RHBDL3: variants seen among roughly 807,000 people sequenced by gnomAD.
RHBDL3 encodes rhomboid-related protein 3.
RHBDL3 carries 28 observed loss-of-function variants against 48.2 expected under a neutral mutation model. The ratio of observed to expected loss-of-function variants is 0.58; its 90% CI spans 0.43 to 0.80. RHBDL3 has a LOEUF of 0.80. Among genes scored for constraint, RHBDL3 ranks in the 30% least tolerant of loss-of-function variants. The pLI is 0.00. For missense variants in RHBDL3, 464 were observed against 542.7 expected (o/e 0.85, Z 1.44); for synonymous variants, 208 against 232.3 (o/e 0.90, Z 0.95).
chr17:32,310,045 C>T (rs1376871808), intron 7 of RHBDL3, among the ~76,000 whole-genome samples: 3 of 151,912 alleles, frequency 2.0e-5, no homozygotes, highest in South Asian at 2.1e-4. Context: ...CACCATGCCC[C>T]GCCAAGACTT....
intron 2 of RHBDL3, among the ~76,000 whole-genome samples, chr17:32,277,459 C>T (rs71377424): frequency 0.046 from 7,072 of 152,294 alleles, 218 homozygotes; most frequent in African/African-American, 0.088. Context: ...GTGCTGCTGT[C>T]CTGGGTGCTG....
intron 7 of RHBDL3, among the ~76,000 whole-genome samples, chr17:32,315,698 A>G (rs1199771216): frequency 1.3e-5 from 2 of 151,602 alleles, no homozygotes; most frequent in Non-Finnish European, 2.9e-5. Context: ...GTTTTCATCC[A>G]TTGCATCTTC....
intron 7 of RHBDL3, among the ~76,000 whole-genome samples, chr17:32,311,371 CG>C (rs1201140288): frequency 6.6e-6 from 1 of 152,078 alleles, no homozygotes; most frequent in Admixed American, 6.5e-5. Flanking sequence ...TGGTTGGAAG[CG>C]GGGACTCTCT....
chr17:32,273,601 C>T (rs997032122), intron 2 of RHBDL3, among the ~76,000 whole-genome samples: 2 of 152,220 alleles, frequency 1.3e-5, no homozygotes, highest in East Asian at 1.9e-4. Context: ...TTCCCCCCTA[C>T]GTTGTTGTGA....
intron 7 of RHBDL3, among the ~76,000 whole-genome samples, chr17:32,308,410 C>T (rs62064225): frequency 0.53 from 80,542 of 151,794 alleles, 22,242 homozygotes; most frequent in Non-Finnish European, 0.6. Context: ...TCTCTACCCA[C>T]CTCTACCAAA....
rs1567794478 is a variant in RHBDL3, at chr17:32,321,127, G to T, written c.1113G>T (p.Trp371Cys). The change falls in exon 9 of 9, where the codon TGG becomes TGT. Residue 371 changes from tryptophan to cysteine, a missense_variant. Transcript: ENST00000269051. ...YEQRLQDQSL[W>C]WIFVAMYTVF... ...AGAGGCTCCAGGACCAGTCACTGTG[G>T]TGGATTTTTGTGGCCATGTACACCG... The T allele has an allele frequency of 6.2e-7, 1 of 1,614,266 alleles. No individual in the cohort carries two copies. Among genetic ancestry groups the T allele is most frequent in the Non-Finnish European group, 8.5e-7 (1 of 1,180,046 alleles).
At chr17:32,273,281 C>T (rs1317211229) in intron 2 of RHBDL3, among the ~76,000 whole-genome samples, 3 of 152,210 alleles carry the variant, frequency 2.0e-5, no homozygotes, top group Non-Finnish European at 2.9e-5. Context: ...GGATTACAGG[C>T]GCGAGCCACC....
intron 7 of RHBDL3, among the ~76,000 whole-genome samples, chr17:32,309,179 AGTGTGTGTGTGTGT>A (rs61558385): frequency 4.0e-5 from 6 of 149,710 alleles, no homozygotes; most frequent in African/African-American, 9.7e-5. Context: ...GAAGGTTTGG[AGTGTGTGTGTGTGT>A]GTGTGTGTGT....
intron 2 of RHBDL3, among the ~76,000 whole-genome samples, chr17:32,270,135 A>G (rs79531651): frequency 2.2e-4 from 31 of 142,800 alleles, no homozygotes; most frequent in Middle Eastern, 3.5e-3. Flanking sequence ...CCTTTCTCAA[A>G]AAAAAAAAAA....
At chr17:32,302,153 A>T (rs1337675597) in intron 6 of RHBDL3, among the ~76,000 whole-genome samples, 1 of 152,154 alleles carries the variant, frequency 6.6e-6, no homozygotes, top group East Asian at 1.9e-4. Context: ...ACCTCTGTGG[A>T]ATTCATACTG....
intron 7 of RHBDL3, among the ~76,000 whole-genome samples, chr17:32,315,476 G>C (rs1344043451): frequency 1.3e-5 from 2 of 152,188 alleles, no homozygotes; most frequent in African/African-American, 4.8e-5. Flanking sequence ...AGTTTTCCAA[G>C]ATTCTCAGGG....
intron 2 of RHBDL3, among the ~76,000 whole-genome samples, chr17:32,275,650 C>A (rs2039879877): frequency 6.6e-6 from 1 of 152,126 alleles, no homozygotes; most frequent in Non-Finnish European, 1.5e-5. Flanking sequence ...TGAGTTCAGG[C>A]CAGGATGCCT....
At chr17:32,298,248 G>C in intron 6 of RHBDL3, 44 bp downstream of exon 6, 2 of 1,354,426 alleles carry the variant, frequency 1.5e-6, no homozygotes, top group East Asian at 4.6e-5. Context: ...ACTGCCCCAG[G>C]GTGGGGTGGG....
intron 2 of RHBDL3, among the ~76,000 whole-genome samples, chr17:32,269,831 A>G (rs2039729533): frequency 6.6e-6 from 1 of 152,180 alleles, no homozygotes; most frequent in Non-Finnish European, 1.5e-5. Context: ...TGTACATTTT[A>G]AAACAAACCA....
chr17:32,316,930 G>C (rs559354063), intron 8 of RHBDL3, among the ~76,000 whole-genome samples: 1 of 151,816 alleles, frequency 6.6e-6, no homozygotes, highest in South Asian at 2.1e-4. Context: ...AGAGTGCAGT[G>C]GTGTGATCTC....
At chr17:32,277,385 G>C (rs1345258293) in intron 2 of RHBDL3, among the ~76,000 whole-genome samples, 1 of 152,222 alleles carries the variant, frequency 6.6e-6, no homozygotes, top group Non-Finnish European at 1.5e-5. Flanking sequence ...ATGCTTCCCT[G>C]TTGCTGGGCA....
At chr17:32,291,932 C>T (rs189676048) in intron 4 of RHBDL3, among the ~76,000 whole-genome samples, 13 of 151,904 alleles carry the variant, frequency 8.6e-5, no homozygotes, top group Admixed American at 2.0e-4. Context: ...CCACCACGCC[C>T]GGCTAATTTT....
At chr17:32,295,301 C>T (rs2040422284) in intron 5 of RHBDL3, among the ~76,000 whole-genome samples, 1 of 152,204 alleles carries the variant, frequency 6.6e-6, no homozygotes, top group Admixed American at 6.5e-5. Context: ...TCCCCTTAGC[C>T]TCTAAAGCAG....
intron 5 of RHBDL3, among the ~76,000 whole-genome samples, chr17:32,294,696 G>T (rs969839959): frequency 6.6e-6 from 1 of 152,168 alleles, no homozygotes; most frequent in African/African-American, 2.4e-5. Context: ...CACAGCATTT[G>T]ATTCTATGTA....
Sources: gnomAD v4.1 joint callset for allele counts (sites outside exome capture counted in the v4.1 genomes callset) on GRCh38, gnomAD v4.1.1 for gene constraint, MANE v1.5 for transcripts, NCBI Gene and HGNC (gene_info 2026-07-23, HGNC 2026-07-21) for gene names.